Variants in PCED1B observed in about 807,000 individuals in gnomAD.
PCED1B encodes the protein PC-esterase domain-containing protein 1B.
For missense variants in PCED1B, 573 were observed against 573.9 expected (o/e 1.00, Z 0.02); for synonymous variants, 251 against 246.1 (o/e 1.02, Z -0.19).
intron 1 of PCED1B, among the ~76,000 whole-genome samples, chr12:47,082,151 CCTT>C (rs943616737): frequency 3.8e-4 from 58 of 152,192 alleles, no homozygotes; most frequent in African/African-American, 1.3e-3. Flanking sequence ...CATCCCTTCT[CCTT>C]CTAACAGATT....
intron 1 of PCED1B, among the ~76,000 whole-genome samples, chr12:47,101,215 A>G (rs1471206249): frequency 1.3e-5 from 2 of 152,158 alleles, no homozygotes; most frequent in African/African-American, 2.4e-5. Context: ...ATTATTATCT[A>G]TACCAGATGG....
chr12:47,083,774 T>G (rs562910492), intron 1 of PCED1B, among the ~76,000 whole-genome samples: 15 of 152,282 alleles, frequency 9.9e-5, no homozygotes, highest in African/African-American at 3.1e-4. Flanking sequence ...GGGGATAGAA[T>G]GGGAGTATTC....
chr12:47,155,943 G>A (rs1371732183), intron 2 of PCED1B, among the ~76,000 whole-genome samples: 2 of 152,122 alleles, frequency 1.3e-5, no homozygotes, highest in South Asian at 2.1e-4. Context: ...GGGGAGAAGG[G>A]GTGGCTATTC....
intron 2 of PCED1B, among the ~76,000 whole-genome samples, chr12:47,127,429 T>A (rs1021931683): frequency 6.7e-6 from 1 of 150,062 alleles, no homozygotes; most frequent in African/African-American, 2.5e-5. Context: ...AGTGCAGCAG[T>A]ACGATCTTGG....
At chr12:47,161,828 G>T (rs1226828760) in intron 2 of PCED1B, among the ~76,000 whole-genome samples, 1 of 152,160 alleles carries the variant, frequency 6.6e-6, no homozygotes, top group Non-Finnish European at 1.5e-5. Context: ...GTTTATTGCG[G>T]CACTATTCAC....
chr12:47,177,191 A>G (rs1010539520), intron 2 of PCED1B, among the ~76,000 whole-genome samples: 80 of 152,324 alleles, frequency 5.3e-4, no homozygotes, highest in African/African-American at 1.9e-3. Flanking sequence ...AATAAACACA[A>G]GTACTCATCT....
At chr12:47,166,843 A>G (rs1941559914) in intron 2 of PCED1B, among the ~76,000 whole-genome samples, 1 of 152,180 alleles carries the variant, frequency 6.6e-6, no homozygotes, top group Non-Finnish European at 1.5e-5. Flanking sequence ...CATGAATCAA[A>G]CAAATAACAG....
chr12:47,143,573 A>C (rs1940676045), intron 2 of PCED1B, among the ~76,000 whole-genome samples: 1 of 152,200 alleles, frequency 6.6e-6, no homozygotes, highest in African/African-American at 2.4e-5. Flanking sequence ...TGATGAAAGA[A>C]ATAAGGAAGA....
chr12:47,190,098 T>G (rs1442055338), intron 2 of PCED1B, among the ~76,000 whole-genome samples: 3 of 152,250 alleles, frequency 2.0e-5, no homozygotes, highest in African/African-American at 7.2e-5. Context: ...AAGAAAAATG[T>G]TAATACTCTA....
intron 2 of PCED1B, among the ~76,000 whole-genome samples, chr12:47,163,504 A>G (rs1941453575): frequency 2.0e-5 from 3 of 152,188 alleles, no homozygotes; most frequent in East Asian, 1.9e-4. Flanking sequence ...TTAGAGAAAA[A>G]GCTTTCAGTC....
At chr12:47,167,856 G>A (rs1483032986) in intron 2 of PCED1B, among the ~76,000 whole-genome samples, 2 of 152,196 alleles carry the variant, frequency 1.3e-5, no homozygotes, top group Admixed American at 6.5e-5. Flanking sequence ...TAAAACTCTC[G>A]AGCAGTACCT....
rs188452752 is a variant in PCED1B, at chr12:47,162,568, T to G, written c.-525-53654T>G. Among the ~76,000 whole-genome samples the G allele has an allele frequency of 2.0e-5, 3 of 152,246 alleles. No homozygotes were observed. The East Asian group carries it at 5.8e-4, about 29-fold the overall frequency. ...AAGAAGCATAGTGCCAATATCTGCTTCTGGTGAGGGCCTCAGGAAGCCTAA... is the reference window on the plus strand; with the variant it reads ...AAGAAGCATAGTGCCAATATCTGCTGCTGGTGAGGGCCTCAGGAAGCCTAA... On this transcript the variant is annotated intron_variant, in intron 2 of 3. Coordinates refer to ENST00000546455, the MANE Select transcript of PCED1B (RefSeq NM_138371.3).
intron 2 of PCED1B, among the ~76,000 whole-genome samples, chr12:47,172,535 T>G (rs926901405): frequency 2.0e-5 from 3 of 152,084 alleles, no homozygotes; most frequent in African/African-American, 7.2e-5. Context: ...TTGAGTTTGA[T>G]TCTGAATGTG....
chr12:47,190,719 G>C (rs1026379985), intron 2 of PCED1B, among the ~76,000 whole-genome samples: 1 of 152,216 alleles, frequency 6.6e-6, no homozygotes, highest in African/African-American at 2.4e-5. Flanking sequence ...TTTAGGTTGA[G>C]TACCTGATGC....
At chr12:47,101,856 G>A (rs1017506325) in intron 1 of PCED1B, among the ~76,000 whole-genome samples, 2 of 152,076 alleles carry the variant, frequency 1.3e-5, no homozygotes, top group Non-Finnish European at 2.9e-5. Context: ...TGAGGCAGGA[G>A]TGTCATTTGA....
chr12:47,149,898 A>G (rs1309495600), intron 2 of PCED1B, among the ~76,000 whole-genome samples: 5 of 152,170 alleles, frequency 3.3e-5, no homozygotes, highest in South Asian at 4.1e-4. Context: ...CAGTTTATCA[A>G]TTGACACTTA....
intron 2 of PCED1B, among the ~76,000 whole-genome samples, chr12:47,141,119 G>C (rs1036348340): frequency 2.6e-5 from 4 of 152,094 alleles, no homozygotes; most frequent in Non-Finnish European, 5.9e-5. Context: ...CTCTTTACTA[G>C]GTATAGAGCC....
intron 3 of PCED1B, among the ~76,000 whole-genome samples, chr12:47,217,523 G>GAGAGAGAA (rs1565608240): frequency 1.5e-4 from 17 of 115,706 alleles, no homozygotes; most frequent in African/African-American, 3.8e-4. Flanking sequence ...AAAGAAGAAA[G>GAGAGAGAA]AGAAAGAGAG....
intron 2 of PCED1B, among the ~76,000 whole-genome samples, chr12:47,119,382 T>C (rs527382668): frequency 6.6e-6 from 1 of 152,100 alleles, no homozygotes; most frequent in Non-Finnish European, 1.5e-5. Flanking sequence ...AATAGATAAA[T>C]TGGACTTCAT....
Sources: allele counts gnomAD v4.1 joint callset (sites outside exome capture counted in the v4.1 genomes callset), GRCh38; gene constraint gnomAD v4.1.1; transcripts MANE v1.5; gene names NCBI Gene and HGNC (gene_info 2026-07-23, HGNC 2026-07-21).